DLG2: variants seen among roughly 807,000 people sequenced by gnomAD.
DLG2 encodes the protein discs large MAGUK scaffold protein 2, also known as disks large homolog 2.
Under a neutral mutation model 132.5 loss-of-function variants are expected in DLG2, and 45 were observed. The ratio of observed to expected loss-of-function variants is 0.34; its 90% CI spans 0.27 to 0.44. The LOEUF (loss-of-function observed/expected upper bound fraction) is 0.44. DLG2 is among the 20% of genes least tolerant of loss of function. DLG2 has a pLI of 1.00. For synonymous variants in DLG2, 424 were observed against 419.6 expected (o/e 1.01, Z -0.13); for missense variants, 1,045 against 1,196.9 (o/e 0.87, Z 1.87).
At chr11:85,021,448 C>T (rs1314179729) in intron 6 of DLG2, 35 of 1,408,632 alleles carry the variant, frequency 2.5e-5, no homozygotes, top group African/African-American at 4.2e-5. Context: ...GCCATCCTCT[C>T]CTGCTACAGC....
intron 6 of DLG2, among the ~76,000 whole-genome samples, chr11:84,559,922 T>C (rs2099420908): frequency 6.6e-6 from 1 of 152,108 alleles, no homozygotes; most frequent in Admixed American, 6.6e-5. Context: ...GCACATGACA[T>C]GTTATCCCAT....
chr11:84,903,182 A>G lies in DLG2; in HGVS notation c.357+208479T>C, dbSNP rs76827503. On this transcript the variant is annotated intron_variant, in intron 6 of 27. Transcript: ENST00000376104. ...CTGGTGATACTATAAAACATACAAGAGAATGAATTCTAAACCTTTAGCGAA... is the reference window on the plus strand; with the variant it reads ...CTGGTGATACTATAAAACATACAAGGGAATGAATTCTAAACCTTTAGCGAA... 6.1e-4 allele frequency among the ~76,000 whole-genome samples: 93 copies of G among 152,292 alleles called. 2 individuals carry two copies. In the East Asian group the frequency reaches 0.018, roughly 29 times the overall value.
chr11:85,301,605 A>G (rs190562907), intron 3 of DLG2, among the ~76,000 whole-genome samples: 36 of 152,290 alleles, frequency 2.4e-4, no homozygotes, highest in Non-Finnish European at 4.9e-4. Flanking sequence ...TAGAAATGAA[A>G]AAACTAAGGC....
chr11:85,140,069 GACAA>G (rs2076368253), intron 5 of DLG2, among the ~76,000 whole-genome samples: 1 of 152,018 alleles, frequency 6.6e-6, no homozygotes, highest in South Asian at 2.1e-4. Context: ...TTCACCCACT[GACAA>G]ACACTTATTT....
intron 7 of DLG2, among the ~76,000 whole-genome samples, chr11:84,529,995 G>T (rs760606187): frequency 1.3e-5 from 2 of 151,960 alleles, no homozygotes; most frequent in Non-Finnish European, 2.9e-5. Flanking sequence ...GCTGCACACC[G>T]ACGATTATCT....
intron 7 of DLG2, among the ~76,000 whole-genome samples, chr11:84,399,218 T>C (rs1043480726): frequency 1.3e-5 from 2 of 152,182 alleles, no homozygotes; most frequent in Non-Finnish European, 2.9e-5. Context: ...ACTACCCTGC[T>C]AGTGTTCCTT....
At chr11:85,122,935 T>G (rs2074510032) in intron 5 of DLG2, among the ~76,000 whole-genome samples, 1 of 108,596 alleles carries the variant, frequency 9.2e-6, no homozygotes, top group African/African-American at 3.6e-5. Flanking sequence ...CATGTATGTG[T>G]GTCTGTATAT....
intron 9 of DLG2, among the ~76,000 whole-genome samples, chr11:84,113,270 T>C (rs2093457589): frequency 6.6e-6 from 1 of 152,218 alleles, no homozygotes; most frequent in Non-Finnish European, 1.5e-5. Flanking sequence ...GTGAGATATA[T>C]GCATAAAACA....
chr11:83,925,403 T>C (rs777312928), intron 15 of DLG2, among the ~76,000 whole-genome samples: 2 of 152,186 alleles, frequency 1.3e-5, no homozygotes, highest in Non-Finnish European at 2.9e-5. Flanking sequence ...AAGTTTAATT[T>C]CTTTAAATTT....
intron 8 of DLG2, among the ~76,000 whole-genome samples, chr11:84,175,173 C>T (rs773782928): frequency 1.3e-5 from 2 of 152,048 alleles, no homozygotes; most frequent in African/African-American, 2.4e-5. Context: ...GACATTAAAA[C>T]AATAATTTTT....
chr11:85,021,536 A>G, intron 6 of DLG2: 1 of 1,587,482 alleles, frequency 6.3e-7, no homozygotes, highest in Admixed American at 1.7e-5. Context: ...ATTTTGCCAT[A>G]CTTCGAAAAG....
At chr11:85,551,763 T>C (rs1453264404) in intron 3 of DLG2, among the ~76,000 whole-genome samples, 3 of 152,062 alleles carry the variant, frequency 2.0e-5, no homozygotes, top group African/African-American at 4.8e-5. Context: ...AGAGTAACAA[T>C]GTGCCACAAT....
intron 8 of DLG2, among the ~76,000 whole-genome samples, chr11:84,197,036 C>CAAGAAAAAAAAAA (rs2096529057): frequency 1.1e-5 from 1 of 87,936 alleles, no homozygotes; most frequent in Non-Finnish European, 2.1e-5. Flanking sequence ...GACTCTTTCT[C>CAAGAAAAAAAAAA]AAAAAAAAAA....
At chr11:84,799,972 G>A (rs954822829) in intron 6 of DLG2, among the ~76,000 whole-genome samples, 1 of 152,036 alleles carries the variant, frequency 6.6e-6, no homozygotes, top group African/African-American at 2.4e-5. Context: ...CTCACATCTT[G>A]TCTGATTCTC....
At chr11:85,538,972 T>C (rs1023945567) in intron 3 of DLG2, among the ~76,000 whole-genome samples, 3 of 151,830 alleles carry the variant, frequency 2.0e-5, no homozygotes, top group South Asian at 2.1e-4. Context: ...CTGCATGCCC[T>C]GCACATGTAT....
At chr11:84,895,743 C>T (rs530246022) in intron 6 of DLG2, among the ~76,000 whole-genome samples, 1 of 152,038 alleles carries the variant, frequency 6.6e-6, no homozygotes, top group South Asian at 2.1e-4. Flanking sequence ...TGGGTATTGA[C>T]TAATGTGAAG....
intron 7 of DLG2, among the ~76,000 whole-genome samples, chr11:84,403,803 A>G (rs1202544215): frequency 6.6e-6 from 1 of 152,182 alleles, no homozygotes; most frequent in African/African-American, 2.4e-5. Context: ...TTGCTTTCAC[A>G]TCTCCCTGAC....
intron 3 of DLG2, among the ~76,000 whole-genome samples, chr11:85,446,982 A>AT (rs1251719745): frequency 6.6e-6 from 1 of 152,200 alleles, no homozygotes; most frequent in Non-Finnish European, 1.5e-5. Context: ...ATTTTACGTT[A>AT]TTTAAAAAGA....
chr11:84,902,399 A>G (rs768486076), intron 6 of DLG2, among the ~76,000 whole-genome samples: 2 of 152,140 alleles, frequency 1.3e-5, no homozygotes, highest in African/African-American at 2.4e-5. Flanking sequence ...TTCTGCTTCA[A>G]TGCATCATGT....
Sources: gnomAD v4.1 joint callset for allele counts (sites outside exome capture counted in the v4.1 genomes callset) on GRCh38, gnomAD v4.1.1 for gene constraint, MANE v1.5 for transcripts, NCBI Gene and HGNC (gene_info 2026-07-23, HGNC 2026-07-21) for gene names.